Variants in MECOM observed in about 807,000 individuals in gnomAD.
MECOM encodes the protein histone-lysine N-methyltransferase MECOM.
A neutral mutation model predicts 116.3 loss-of-function variants in MECOM; 13 were observed. That is an observed-to-expected ratio of 0.11 (90% CI 0.07 to 0.18). The LOEUF is 0.18. Ranked by LOEUF, MECOM falls within the 10% of genes least tolerant of loss-of-function variation. The probability of loss-of-function intolerance (pLI) is 1.00; values close to 1 mark genes in which losing one functional copy is unlikely to be tolerated. For synonymous variants in MECOM, 528 were observed against 535.2 expected, an observed-to-expected ratio of 0.99 and a Z score of 0.19; for missense variants, 1,299 against 1,509.0, an observed-to-expected ratio of 0.86 and a Z score of 2.31.
chr3:169,485,552 G>C (rs1485886024), intron 1 of MECOM, among the ~76,000 whole-genome samples: 1 of 152,030 alleles, frequency 6.6e-6, no homozygotes, highest in Non-Finnish European at 1.5e-5. Flanking sequence ...GTTTGGAGGT[G>C]AGAGGAAACT....
intron 2 of MECOM, among the ~76,000 whole-genome samples, chr3:169,198,285 T>C: frequency 6.6e-6 from 1 of 152,090 alleles, no homozygotes; most frequent in East Asian, 1.9e-4. Flanking sequence ...GAAAAACTCA[T>C]GTCTTAAATC....
At chr3:169,160,695 CA>C (rs957279632) in intron 2 of MECOM, among the ~76,000 whole-genome samples, 2 of 150,848 alleles carry the variant, frequency 1.3e-5, no homozygotes, top group Admixed American at 1.3e-4. Context: ...GTTTGTAAAA[CA>C]AAAAAAGGCT....
intron 2 of MECOM, among the ~76,000 whole-genome samples, chr3:169,165,156 G>A (rs535527666): frequency 3.2e-4 from 48 of 152,178 alleles, no homozygotes; most frequent in Middle Eastern, 3.4e-3. Flanking sequence ...ACATGTCATC[G>A]GAAAGATCTA....
At chr3:169,269,833 C>A (rs1758722052) in intron 2 of MECOM, among the ~76,000 whole-genome samples, 2 of 152,064 alleles carry the variant, frequency 1.3e-5, no homozygotes, top group Non-Finnish European at 1.5e-5. Context: ...ACATAAACAC[C>A]TTTGGTTTCT....
chr3:169,578,857 C>T (rs1764801410), intron 1 of MECOM, among the ~76,000 whole-genome samples: 1 of 152,072 alleles, frequency 6.6e-6, no homozygotes, highest in Admixed American at 6.5e-5. Context: ...TTCATTTAAC[C>T]ACATATTATG....
At chr3:169,246,718 T>C (rs753807602) in intron 2 of MECOM, among the ~76,000 whole-genome samples, 31 of 152,016 alleles carry the variant, frequency 2.0e-4, no homozygotes, top group Non-Finnish European at 2.9e-5. Flanking sequence ...GACAGGGTTT[T>C]ACTCTGTTGT....
At chr3:169,383,417 T>C (rs1279589721) in intron 1 of MECOM, among the ~76,000 whole-genome samples, 2 of 152,178 alleles carry the variant, frequency 1.3e-5, no homozygotes, top group African/African-American at 2.4e-5. Flanking sequence ...CTTTCTACTA[T>C]GAATACCATC....
At chr3:169,232,302 A>G (rs537862374) in intron 2 of MECOM, among the ~76,000 whole-genome samples, 1 of 152,284 alleles carries the variant, frequency 6.6e-6, no homozygotes, top group Admixed American at 6.5e-5. Context: ...TGGACCCAAG[A>G]ATCATGTCTT....
At position 169,263,077 on chromosome 3, in the gene MECOM, CTATATATATATATATATATATATATATA is replaced by C. The variant is rs748506622; in HGVS notation, c.375+118082_375+118109del. ...TATTTGTTGCCTTTTTTTCAAGATG[CTATATATATATATATATATATATATATA>C]TATATATATATATATATATATATGT... On this transcript the variant is annotated intron_variant, in intron 2 of 16. Transcript: ENST00000651503. Among the ~76,000 whole-genome samples the C allele has an allele frequency of 1.6e-3, 52 of 32,932 alleles. 1 individual carries two copies. Among genetic ancestry groups the C allele is most frequent in the South Asian group, 4.1e-3 (2 of 490 alleles). The allele number at this position is 32,932 out of a possible 152,430, so 21.6% of individuals were successfully genotyped here.
chr3:169,321,597 A>G (rs11927141), intron 2 of MECOM, among the ~76,000 whole-genome samples: 5,777 of 152,236 alleles, frequency 0.038, 255 homozygotes, highest in East Asian at 0.17. Flanking sequence ...CAGAAAATGT[A>G]TCTCAGAAAA....
At chr3:169,293,705 AT>A (rs1160343161) in intron 2 of MECOM, among the ~76,000 whole-genome samples, 1 of 152,018 alleles carries the variant, frequency 6.6e-6, no homozygotes, top group Non-Finnish European at 1.5e-5. Flanking sequence ...GTATTTATTC[AT>A]TTTCTTTGCC....
At chr3:169,421,350 G>T (rs1455779510) in intron 1 of MECOM, among the ~76,000 whole-genome samples, 1 of 152,128 alleles carries the variant, frequency 6.6e-6, no homozygotes, top group Non-Finnish European at 1.5e-5. Flanking sequence ...TAAGGAATGT[G>T]GAGTTGTTTG....
intron 2 of MECOM, among the ~76,000 whole-genome samples, chr3:169,164,637 G>A (rs1421584108): frequency 6.6e-6 from 1 of 151,834 alleles, no homozygotes; most frequent in Non-Finnish European, 1.5e-5. Flanking sequence ...AAAACACAAA[G>A]GTAAAAATAA....
intron 3 of MECOM, among the ~76,000 whole-genome samples, chr3:169,138,951 G>A (rs908138869): frequency 2.6e-5 from 4 of 152,036 alleles, no homozygotes; most frequent in South Asian, 2.1e-4. Flanking sequence ...AATCATTCAC[G>A]TGGACCTAAG....
In MECOM at chr3:169,599,313, A is replaced by G. The variant is rs567972247; in HGVS notation, c.37+64023T>C. Among the ~76,000 whole-genome samples, 30 of 152,290 alleles carry G rather than the reference A, an allele frequency of 2.0e-4. No homozygotes were observed. In the South Asian group the frequency reaches 5.8e-3, roughly 29 times the overall value. ...GGCAGATCACGAGGTCAAGAGATCA[A>G]AACCATTCTGGCCAACATGGTGAAA... On this transcript the variant is annotated intron_variant, in intron 1 of 16. Coordinates refer to ENST00000651503, the MANE Select transcript of MECOM (RefSeq NM_004991.4).
At chr3:169,452,156 G>A (rs553192044) in intron 1 of MECOM, among the ~76,000 whole-genome samples, 20 of 151,756 alleles carry the variant, frequency 1.3e-4, no homozygotes, top group Non-Finnish European at 2.2e-4. Context: ...TTGGTAAGCC[G>A]GGTCATCACT....
At chr3:169,270,926 T>C (rs1413515193) in intron 2 of MECOM, among the ~76,000 whole-genome samples, 3 of 152,194 alleles carry the variant, frequency 2.0e-5, no homozygotes, top group African/African-American at 7.2e-5. Flanking sequence ...TATTGCTGGT[T>C]TTTAAATTTT....
chr3:169,152,525 T>C (rs1271279447), intron 2 of MECOM, among the ~76,000 whole-genome samples: 1 of 152,190 alleles, frequency 6.6e-6, no homozygotes, highest in Non-Finnish European at 1.5e-5. Flanking sequence ...TTTACTCTCC[T>C]ATTCGGCTCT....
At chr3:169,102,283 T>G in intron 10 of MECOM, 57 bp from the exon 11 acceptor site, 1 of 1,507,278 alleles carries the variant, frequency 6.6e-7, no homozygotes. Context: ...TCTATAATAA[T>G]CTCTGGCAAA....
Sources: gnomAD v4.1 joint callset for allele counts (sites outside exome capture counted in the v4.1 genomes callset) on GRCh38, gnomAD v4.1.1 for gene constraint, MANE v1.5 for transcripts, NCBI Gene and HGNC (gene_info 2026-07-23, HGNC 2026-07-21) for gene names.